CFLAR: variants seen among roughly 807,000 people sequenced by gnomAD.
The protein encoded by CFLAR is CASP8 and FADD like apoptosis regulator, also known as CASP8 and FADD-like apoptosis regulator.
A neutral mutation model predicts 51.1 loss-of-function variants in CFLAR; 14 were observed. The observed-to-expected ratio is 0.27, with a 90% CI of 0.18 to 0.43. The LOEUF is 0.43. Among genes scored for constraint, CFLAR ranks in the 20% least tolerant of loss-of-function variants. The pLI is 1.00. For missense variants in CFLAR, 390 were observed against 566.5 expected (o/e 0.69, Z 3.16); for synonymous variants, 210 against 211.6 (o/e 0.99, Z 0.06).
At chr2:201,145,232 ATTC>A in intron 5 of CFLAR, 143 bp from the exon 6 acceptor site, 1 of 533,128 alleles carries the variant, frequency 1.9e-6, no homozygotes, top group Non-Finnish European at 3.4e-6. Flanking sequence ...AGCTCTTGCT[ATTC>A]TTTAGATAAT....
At chr2:201,125,752 C>G (rs2048619217) in intron 1 of CFLAR, among the ~76,000 whole-genome samples, 1 of 152,022 alleles carries the variant, frequency 6.6e-6, no homozygotes, top group Admixed American at 6.5e-5. Context: ...TGTTGAGCAG[C>G]CGTAGGGGCC....
rs142962121 is a variant in CFLAR, at chr2:201,118,147, C to A, written c.-138+1666C>A. On this transcript the variant is annotated intron_variant, in intron 1 of 9. Coordinates refer to ENST00000309955, the MANE Select transcript of CFLAR (RefSeq NM_003879.7). The surrounding 1 kb of genome is among the most constrained non-coding windows in gnomAD (Gnocchi z 5.1). ...CATCCATTTTCTTGTTTTGTTAATA[C>A]TTGCTTTACTTAAGCTTTTGGGTCA... is the stretch of plus-strand genomic sequence containing the variant. 3.9e-5 allele frequency among the ~76,000 whole-genome samples: 6 copies of A among 152,326 alleles called. No individual in the cohort carries two copies. In the East Asian group the frequency reaches 1.2e-3, roughly 29 times the overall value.
chr2:201,164,090 C>T lies in CFLAR; in HGVS notation c.*117C>T, dbSNP rs1354969725. 3.9e-5 allele frequency: 28 copies of T among 718,626 alleles called. No individual in the cohort carries two copies. The highest frequency in any genetic ancestry group is 2.4e-4 in the East Asian group (8 of 33,436). The allele number at this position is 718,626 out of a possible 1,614,324, so 44.5% of individuals were successfully genotyped here. ...AGACCAGCCTGGCCAACATGGTAAA[C>T]GCTGTCCCTAGTAAAAATACAAAAA... On this transcript the variant is annotated 3_prime_UTR_variant, in exon 10 of 10. Coordinates refer to ENST00000309955, the MANE Select transcript of CFLAR (RefSeq NM_003879.7).
In CFLAR at chr2:201,168,210, C is replaced by T. The variant is rs1272190013; in HGVS notation, c.*4237C>T. ...CGAGCTGAGATCTTGCCACTGCACT[C>T]CAGCCTGGGCGACAGTGCGAGACTC... On this transcript the variant is annotated 3_prime_UTR_variant, in exon 10 of 10. Coordinates refer to ENST00000309955, the MANE Select transcript of CFLAR (RefSeq NM_003879.7). 2 of 152,078 alleles carry T rather than the reference C, an allele frequency of 1.3e-5. No individual in the cohort carries two copies. Among genetic ancestry groups the T allele is most frequent in the Non-Finnish European group, 2.9e-5 (2 of 68,014 alleles). The allele number at this position is 152,078 out of a possible 1,614,324, so 9.4% of individuals were successfully genotyped here. A position where few individuals can be genotyped will look rare whatever the true frequency, so the allele number is the denominator to read the frequency against.
Position 201,138,701 on chromosome 2 carries a change from C to A in CFLAR, c.524-1656C>A, listed in dbSNP as rs1274908067. The A allele has an allele frequency of 1.2e-6, 1 of 833,588 alleles. No homozygotes were observed. The highest frequency in any genetic ancestry group is 2.1e-6 in the Non-Finnish European group (1 of 480,098). The allele number at this position is 833,588 out of a possible 1,614,324, so 51.6% of individuals were successfully genotyped here. A position where few individuals can be genotyped will look rare whatever the true frequency, so the allele number is the denominator to read the frequency against. ...CCACAGTGTGCAAGGGGCTCAGCAC[C>A]ACGGGGTGTGTGATAAAGCCCGGTT... On this transcript the variant is annotated intron_variant, in intron 4 of 9. Transcript: ENST00000309955. The surrounding 1 kb of genome is among the most constrained non-coding windows in gnomAD (Gnocchi z 4.0).
chr2:201,140,905 A>T (rs1477393737), intron 5 of CFLAR, among the ~76,000 whole-genome samples: 2 of 152,182 alleles, frequency 1.3e-5, no homozygotes, highest in Non-Finnish European at 2.9e-5. Flanking sequence ...TGCCTATGGA[A>T]AAAAATTTAA....
At chr2:201,127,926 T>C (rs957693760) in intron 1 of CFLAR, among the ~76,000 whole-genome samples, 1 of 152,174 alleles carries the variant, frequency 6.6e-6, no homozygotes, top group African/African-American at 2.4e-5. Flanking sequence ...TTTTTTAAAA[T>C]GATTATCTCA....
In CFLAR at chr2:201,138,978, C is replaced by A; in HGVS notation, c.524-1379C>A. ...AAGTCGTTGTAGGTGAGTCCCTGGT[C>A]ACTGGCGAAGAGCTGCTGCACGGTG... On this transcript the variant is annotated intron_variant, in intron 4 of 9. Coordinates refer to ENST00000309955, the MANE Select transcript of CFLAR (RefSeq NM_003879.7). The surrounding 1 kb of genome is among the most constrained non-coding windows in gnomAD (Gnocchi z 4.0). 1 of 562,962 alleles carries A rather than the reference C, an allele frequency of 1.8e-6. No homozygotes were observed. Among genetic ancestry groups the A allele is most frequent in the South Asian group, 1.4e-5 (1 of 71,142 alleles). The allele number at this position is 562,962 out of a possible 1,614,324, so 34.9% of individuals were successfully genotyped here. A position where few individuals can be genotyped will look rare whatever the true frequency, so the allele number is the denominator to read the frequency against.
chr2:201,129,255 T>C (rs2049004232), intron 1 of CFLAR: 1 of 152,608 alleles, frequency 6.6e-6, no homozygotes, highest in Non-Finnish European at 1.5e-5. Context: ...CTTTTCTCCA[T>C]TGTTTGTTCA....
Position 201,124,380 on chromosome 2 carries a change from C to A in CFLAR, c.-137-5349C>A, listed in dbSNP as rs935874565. 2.6e-5 allele frequency among the ~76,000 whole-genome samples: 4 copies of A among 152,168 alleles called. No homozygotes were observed. Among genetic ancestry groups the A allele is most frequent in the African/African-American group, 9.7e-5 (4 of 41,426 alleles). On this transcript the variant is annotated intron_variant, in intron 1 of 9. Coordinates refer to ENST00000309955, the MANE Select transcript of CFLAR (RefSeq NM_003879.7). The surrounding 1 kb of genome is among the most constrained non-coding windows in gnomAD (Gnocchi z 4.7). ...CGGAGTTTCACTCTTGTTGCCCAGG[C>A]TGGAGTGCAGTGGCGCAATCTTAGC...
In CFLAR at chr2:201,165,721, C is replaced by G. The variant is rs1266516951; in HGVS notation, c.*1748C>G. 2.0e-5 allele frequency: 3 copies of G among 153,520 alleles called. No homozygotes were observed. The East Asian group carries it at 5.7e-4, about 29-fold the overall frequency. The allele number at this position is 153,520 out of a possible 1,614,324, so 9.5% of individuals were successfully genotyped here. On this transcript the variant is annotated 3_prime_UTR_variant, in exon 10 of 10. Coordinates refer to ENST00000309955, the MANE Select transcript of CFLAR (RefSeq NM_003879.7). Reference sequence around the variant, plus strand: ...GTCTCTGGTTTTCCTAGGCAGAGGACCCTGCGGCCTTCCGCAGTGTTTGTG... The same window carrying G: ...GTCTCTGGTTTTCCTAGGCAGAGGAGCCTGCGGCCTTCCGCAGTGTTTGTG...
chr2:201,141,211 C>T (rs113775548), intron 5 of CFLAR, among the ~76,000 whole-genome samples: 1,536 of 152,246 alleles, frequency 0.01, 15 homozygotes, highest in Non-Finnish European at 0.013. Context: ...GCCTGGGTGA[C>T]AAGAGCAAAA....
rs988498306 is a variant in CFLAR at position 201,171,656 on chromosome 2, A to G, written c.*7683A>G. Reference sequence around the variant, plus strand: ...TGCACTTGTATCCAGAACTTAAAATATTTTAAAAATCTTTAGAGAATACAA... The same window carrying G: ...TGCACTTGTATCCAGAACTTAAAATGTTTTAAAAATCTTTAGAGAATACAA... On this transcript the variant is annotated 3_prime_UTR_variant, in exon 10 of 10. Coordinates refer to ENST00000309955, the MANE Select transcript of CFLAR (RefSeq NM_003879.7). 2.0e-5 allele frequency: 3 copies of G among 149,076 alleles called. No individual in the cohort carries two copies. The highest frequency in any genetic ancestry group is 3.0e-5 in the Non-Finnish European group (2 of 67,602). The allele number at this position is 149,076 out of a possible 1,614,324, so 9.2% of individuals were successfully genotyped here. A position where few individuals can be genotyped will look rare whatever the true frequency, so the allele number is the denominator to read the frequency against.
intron 5 of CFLAR, chr2:201,141,250 TACCCCTATA>T: frequency 7.9e-7 from 1 of 1,273,664 alleles, no homozygotes; most frequent in Non-Finnish European, 1.0e-6. Flanking sequence ...GTTTTCTTCC[TACCCCTATA>T]ATACTGACCT....
In CFLAR at chr2:201,166,275, C is replaced by T. The variant is rs890426999; in HGVS notation, c.*2302C>T. ...GGGCGGGGGCTGACCCCCACGCCTC[C>T]CTCCCGGACGGGGCGGCTGCCAGGC... On this transcript the variant is annotated 3_prime_UTR_variant, in exon 10 of 10. Transcript: ENST00000309955. 6.9e-6 allele frequency: 1 copy of T among 145,562 alleles called. No individual in the cohort carries two copies. The highest frequency in any genetic ancestry group is 1.5e-5 in the Non-Finnish European group (1 of 65,136). 9.0% of individuals were successfully genotyped at this position (145,562 alleles called of 1,614,324 possible). A position where few individuals can be genotyped will look rare whatever the true frequency, so the allele number is the denominator to read the frequency against.
chr2:201,139,252 A>G (rs1937785478), intron 4 of CFLAR: 1 of 324,880 alleles, frequency 3.1e-6, no homozygotes, highest in Non-Finnish European at 5.8e-6. Flanking sequence ...GTTAAGAGTC[A>G]TCACCACTCC....
chr2:201,119,905 A>T (rs1238839980), intron 1 of CFLAR, among the ~76,000 whole-genome samples: 2 of 151,774 alleles, frequency 1.3e-5, no homozygotes, highest in African/African-American at 4.8e-5. Context: ...TTAAAAATAA[A>T]CACTCAATTT....
chr2:201,133,686 T>A (rs1166427900), intron 3 of CFLAR, among the ~76,000 whole-genome samples: 1 of 151,954 alleles, frequency 6.6e-6, no homozygotes, highest in Non-Finnish European at 1.5e-5. Flanking sequence ...ATCCCAGCAC[T>A]TTGGGGGGCC....
rs766376295 is a variant in CFLAR at position 201,171,802 on chromosome 2, C to A, written c.*7829C>A. 6.6e-6 allele frequency: 1 copy of A among 152,206 alleles called. No homozygotes were observed. Among genetic ancestry groups the A allele is most frequent in the Non-Finnish European group, 1.5e-5 (1 of 68,052 alleles). 9.4% of individuals were successfully genotyped at this position (152,206 alleles called of 1,614,324 possible). A position where few individuals can be genotyped will look rare whatever the true frequency, so the allele number is the denominator to read the frequency against. On this transcript the variant is annotated 3_prime_UTR_variant, in exon 10 of 10. Transcript: ENST00000309955. Reference sequence around the variant, plus strand: ...TTTTCAGCTTCTTCAAGATCCCACTCCAAACACTGTTAGCTCAGCCAAATT... The same window carrying A: ...TTTTCAGCTTCTTCAAGATCCCACTACAAACACTGTTAGCTCAGCCAAATT...
Sources: allele counts gnomAD v4.1 joint callset (sites outside exome capture counted in the v4.1 genomes callset), GRCh38; gene constraint gnomAD v4.1.1; non-coding constraint Gnocchi (gnomAD v3.1); transcripts MANE v1.5; gene names NCBI Gene and HGNC (gene_info 2026-07-23, HGNC 2026-07-21).